The following LPAR3 variants were observed in gnomAD, a reference collection of about 807,000 sequenced individuals.
LPAR3 encodes LPA receptor 3.
Under a neutral mutation model 17.8 loss-of-function variants are expected in LPAR3, and 7 were observed. That is an observed-to-expected ratio of 0.39 (90% confidence interval 0.22 to 0.74). The LOEUF is 0.74. LPAR3 is among the 30% of genes least tolerant of loss of function. LPAR3 has a pLI of 0.40. For missense variants in LPAR3, 391 were observed against 453.4 expected (o/e 0.86, Z 1.25); for synonymous variants, 179 against 179.9 (o/e 0.99, Z 0.04).
At chr1:84,858,879 A>G (rs1034919008) in intron 2 of LPAR3, among the ~76,000 whole-genome samples, 1 of 152,238 alleles carries the variant, frequency 6.6e-6, no homozygotes, top group African/African-American at 2.4e-5. Context: ...GGAGGCAGTA[A>G]TCAGATTTAC....
intron 2 of LPAR3, among the ~76,000 whole-genome samples, chr1:84,829,778 A>C (rs968482326): frequency 6.6e-6 from 1 of 152,194 alleles, no homozygotes; most frequent in Non-Finnish European, 1.5e-5. Context: ...GTTTGACAGA[A>C]GGAATATGAG....
chr1:84,821,538 C>T (rs1039834947), intron 2 of LPAR3, among the ~76,000 whole-genome samples: 1 of 152,138 alleles, frequency 6.6e-6, no homozygotes, highest in Non-Finnish European at 1.5e-5. Flanking sequence ...ATCTGGGCTG[C>T]CTGCTTAATA....
intron 2 of LPAR3, among the ~76,000 whole-genome samples, chr1:84,852,030 CTGAAGTAGATTTGG>C (rs1228676931): frequency 6.6e-6 from 1 of 150,606 alleles, no homozygotes; most frequent in East Asian, 2.0e-4. Context: ...TGAGACACCA[CTGAAGTAGATTTGG>C]TGACTAATTT....
At chr1:84,849,372 CAAAAAAAAAAAAA>C (rs34239236) in intron 2 of LPAR3, among the ~76,000 whole-genome samples, 1 of 77,548 alleles carries the variant, frequency 1.3e-5, no homozygotes, top group Non-Finnish European at 2.4e-5. Flanking sequence ...AGACTCATCT[CAAAAAAAAAAAAA>C]AAAAAAAAGA....
intron 2 of LPAR3, among the ~76,000 whole-genome samples, chr1:84,848,138 A>G (rs555242308): frequency 6.6e-6 from 1 of 152,324 alleles, no homozygotes; most frequent in South Asian, 2.1e-4. Context: ...AAGCCTGGCC[A>G]CAGCCTGCCA....
At chr1:84,874,436 C>T (rs1424173666) in intron 1 of LPAR3, among the ~76,000 whole-genome samples, 1 of 152,178 alleles carries the variant, frequency 6.6e-6, no homozygotes, top group African/African-American at 2.4e-5. Context: ...ATACACACAG[C>T]TTCTACCCTA....
At chr1:84,818,080 T>C (rs115194326) in intron 2 of LPAR3, among the ~76,000 whole-genome samples, 131 of 152,320 alleles carry the variant, frequency 8.6e-4, no homozygotes, top group African/African-American at 3.0e-3. Context: ...ATCACCTAAC[T>C]TCTCTGTGCT....
chr1:84,823,778 A>G (rs1173720930), intron 2 of LPAR3, among the ~76,000 whole-genome samples: 1 of 152,208 alleles, frequency 6.6e-6, no homozygotes, highest in East Asian at 1.9e-4. Context: ...GCAATGCCTC[A>G]ATACTTCACT....
At chr1:84,877,668 T>C (rs902264779) in intron 1 of LPAR3, among the ~76,000 whole-genome samples, 1 of 152,234 alleles carries the variant, frequency 6.6e-6, no homozygotes. Flanking sequence ...ACATGTTACA[T>C]TGATGCTCCT....
chr1:84,868,351 C>T (rs1660093889), intron 1 of LPAR3, among the ~76,000 whole-genome samples: 1 of 152,132 alleles, frequency 6.6e-6, no homozygotes, highest in African/African-American at 2.4e-5. Context: ...CTCAGGTGAT[C>T]CGCCCACCTT....
intron 2 of LPAR3, among the ~76,000 whole-genome samples, chr1:84,837,246 C>T (rs1219120446): frequency 6.6e-6 from 1 of 152,202 alleles, no homozygotes; most frequent in Non-Finnish European, 1.5e-5. Context: ...TGGTCTCGAT[C>T]TCCCAACCTT....
At chr1:84,888,734 C>A (rs763960216) in intron 1 of LPAR3, among the ~76,000 whole-genome samples, 22 of 152,298 alleles carry the variant, frequency 1.4e-4, no homozygotes, top group Admixed American at 8.5e-4. Context: ...TATGGAGGGG[C>A]TAATGTGCCC....
At chr1:84,856,541 A>G (rs896498134) in intron 2 of LPAR3, among the ~76,000 whole-genome samples, 1 of 151,674 alleles carries the variant, frequency 6.6e-6, no homozygotes, top group Non-Finnish European at 1.5e-5. Flanking sequence ...ACTTAGGCAC[A>G]TGTACTTTTT....
In LPAR3 at chr1:84,836,259, G is replaced by A. The variant is rs564429306; in HGVS notation, c.737-22088C>T. Among the ~76,000 whole-genome samples the A allele has an allele frequency of 3.4e-5, 5 of 147,644 alleles. No individual in the cohort carries two copies. In the South Asian group the frequency reaches 1.1e-3, roughly 32 times the overall value. On this transcript the variant is annotated intron_variant, in intron 2 of 2. Coordinates refer to ENST00000370611, the MANE Select transcript of LPAR3 (RefSeq NM_012152.3). ...AGGCTGAGCTGGGAGGATTGCTTGA[G>A]CCCAGGAAGTCATGGCCTCAGTGAG...
rs2102765225 is a variant in LPAR3 at position 84,865,522 on chromosome 1, A to G, written c.599T>C (p.Leu200Pro). 6.2e-7 allele frequency: 1 copy of G among 1,614,222 alleles called. No homozygotes were observed. The highest frequency in any genetic ancestry group is 2.2e-5 in the East Asian group (1 of 44,880). The change falls in exon 2 of 3, where the codon CTC becomes CCC. Residue 200 changes from leucine (L) to proline (P), a missense_variant. Coordinates refer to ENST00000370611, the MANE Select transcript of LPAR3 (RefSeq NM_012152.3). ...CCGCAGGTACACCACAACCATGATG[A>G]GGAAGGCCATGAGGTTGGACACTGT... Reference protein sequence around the residue: ...FWTVSNLMAFLIMVVVYLRIY... With the variant: ...FWTVSNLMAFPIMVVVYLRIY...
intron 2 of LPAR3, among the ~76,000 whole-genome samples, chr1:84,829,759 A>G (rs1348697475): frequency 2.0e-5 from 3 of 152,164 alleles, no homozygotes; most frequent in Admixed American, 2.0e-4. Context: ...CACTGAGCAA[A>G]CTTTCAAAGT....
chr1:84,838,379 C>T (rs148038185), intron 2 of LPAR3, among the ~76,000 whole-genome samples: 31 of 152,244 alleles, frequency 2.0e-4, no homozygotes, highest in South Asian at 1.5e-3. Flanking sequence ...TTACAGACTG[C>T]GCTCATATAT....
chr1:84,829,152 A>ATTTTTTTTTTTTTTTTTTTTTTTTTTTTT (rs56095946), intron 2 of LPAR3, among the ~76,000 whole-genome samples: 1 of 55,526 alleles, frequency 1.8e-5, no homozygotes, highest in Non-Finnish European at 3.0e-5. Flanking sequence ...CCTCTCTGCA[A>ATTTTTTTTTTTTTTTTTTTTTTTTTTTTT]TTTTTTTTTT....
At chr1:84,842,924 T>C (rs1659531929) in intron 2 of LPAR3, among the ~76,000 whole-genome samples, 1 of 152,138 alleles carries the variant, frequency 6.6e-6, no homozygotes. Flanking sequence ...CATGGAAGAA[T>C]TAGATTGCAG....
Sources: allele counts gnomAD v4.1 joint callset (sites outside exome capture counted in the v4.1 genomes callset), GRCh38; gene constraint gnomAD v4.1.1; transcripts MANE v1.5; gene names NCBI Gene and HGNC (gene_info 2026-07-23, HGNC 2026-07-21).